The following FMN1 variants were observed in gnomAD, a reference collection of about 807,000 sequenced individuals.
The protein encoded by FMN1 is formin-1.
In FMN1, 110 loss-of-function variants were observed where a neutral mutation model predicts 132.4. That is an observed-to-expected ratio of 0.83 (90% CI 0.71 to 0.97). The LOEUF is 0.97. Ranked by LOEUF, FMN1 falls within the 50% of genes least tolerant of loss-of-function variation. FMN1 has a pLI of 0.00. For missense variants in FMN1, 1,792 were observed against 1,705.3 expected (o/e 1.05, Z -0.90); for synonymous variants, 722 against 651.7 (o/e 1.11, Z -1.64).
At chr15:33,016,488 G>C (rs2035051822) in intron 6 of FMN1, among the ~76,000 whole-genome samples, 1 of 152,212 alleles carries the variant, frequency 6.6e-6, no homozygotes, top group Non-Finnish European at 1.5e-5. Flanking sequence ...TAACTGTGCA[G>C]TTTGAAGAAA....
chr15:33,141,737 A>G (rs1180149953), intron 4 of FMN1, among the ~76,000 whole-genome samples: 1 of 152,154 alleles, frequency 6.6e-6, no homozygotes, highest in African/African-American at 2.4e-5. Flanking sequence ...TAATCTTGGG[A>G]GTACCTCCCC....
intron 12 of FMN1, among the ~76,000 whole-genome samples, chr15:32,904,084 G>C (rs947436437): frequency 2.6e-5 from 4 of 152,152 alleles, no homozygotes. Flanking sequence ...TCTGAGAACA[G>C]AGCTTAATCT....
intron 3 of FMN1, among the ~76,000 whole-genome samples, chr15:33,172,036 C>T (rs1287378135): frequency 1.3e-5 from 2 of 151,896 alleles, no homozygotes; most frequent in African/African-American, 4.8e-5. Context: ...GGTGAAACCC[C>T]GTCTCTACTA....
intron 17 of FMN1, among the ~76,000 whole-genome samples, chr15:32,804,782 T>C (rs1394023396): frequency 6.6e-6 from 1 of 151,860 alleles, no homozygotes; most frequent in Non-Finnish European, 1.5e-5. Flanking sequence ...GTCCTTGTGA[T>C]AGTTTGCTGA....
At chr15:32,807,525 C>T (rs1309153284) in intron 17 of FMN1, among the ~76,000 whole-genome samples, 1 of 152,150 alleles carries the variant, frequency 6.6e-6, no homozygotes, top group Non-Finnish European at 1.5e-5. Context: ...CTCTGAGGCC[C>T]GAGTGATCTT....
chr15:32,997,397 C>A (rs1224544678), intron 7 of FMN1, among the ~76,000 whole-genome samples: 5 of 150,476 alleles, frequency 3.3e-5, no homozygotes, highest in African/African-American at 9.8e-5. Context: ...GTCTTTGACA[C>A]AGGACGAGAG....
intron 6 of FMN1, among the ~76,000 whole-genome samples, chr15:33,025,092 GT>G (rs1361628032): frequency 6.6e-6 from 1 of 152,120 alleles, no homozygotes; most frequent in Non-Finnish European, 1.5e-5. Flanking sequence ...TTTTACCCAA[GT>G]GGCTGGGGTA....
At chr15:32,879,715 G>A (rs2059718168) in intron 16 of FMN1, among the ~76,000 whole-genome samples, 2 of 151,962 alleles carry the variant, frequency 1.3e-5, no homozygotes, top group Admixed American at 6.6e-5. Flanking sequence ...GTGGCAAAGT[G>A]CATGGTTTAT....
Position 32,984,978 on chromosome 15 carries a change from C to CAAAAAAAAAAAAAAAAAAAAAA in FMN1, c.2224-15523_2224-15502dup, listed in dbSNP as rs11330959. 7.0e-4 allele frequency among the ~76,000 whole-genome samples: 68 copies of CAAAAAAAAAAAAAAAAAAAAAA among 97,228 alleles called. 1 individual carries two copies. Among genetic ancestry groups the CAAAAAAAAAAAAAAAAAAAAAA allele is most frequent in the Middle Eastern group, 6.3e-3 (1 of 160 alleles). The allele number at this position is 97,228 out of a possible 152,430, so 63.8% of individuals were successfully genotyped here. On this transcript the variant is annotated intron_variant, in intron 7 of 20. Coordinates refer to ENST00000616417, the MANE Select transcript of FMN1 (RefSeq NM_001277313.2). The stretch of plus-strand genomic sequence containing the variant: ...TTTTCTCTGTTTGTTCATCCATCAC[C>CAAAAAAAAAAAAAAAAAAAAAA]AAAAAAAAAAAAAAAAAAAAAAGAA...
chr15:32,939,514 ATTG>A (rs1245975356), intron 9 of FMN1, among the ~76,000 whole-genome samples: 5 of 152,166 alleles, frequency 3.3e-5, no homozygotes, highest in South Asian at 2.1e-4. Context: ...TTTTAGAATC[ATTG>A]TTAAGTTTCA....
At chr15:32,982,359 T>C (rs532985004) in intron 7 of FMN1, among the ~76,000 whole-genome samples, 2 of 152,304 alleles carry the variant, frequency 1.3e-5, no homozygotes, top group Admixed American at 1.3e-4. Context: ...AGTTTGGCCA[T>C]TTCTTATAAA....
At chr15:33,162,748 G>A (rs1339832699) in intron 3 of FMN1, among the ~76,000 whole-genome samples, 2 of 152,188 alleles carry the variant, frequency 1.3e-5, no homozygotes, top group Admixed American at 1.3e-4. Context: ...AGTAGAAAGA[G>A]AACAGACAGG....
intron 16 of FMN1, among the ~76,000 whole-genome samples, chr15:32,887,644 T>C (rs2059927324): frequency 6.6e-6 from 1 of 152,188 alleles, no homozygotes; most frequent in African/African-American, 2.4e-5. Flanking sequence ...TACATATATA[T>C]TTAAAGCAGC....
intron 10 of FMN1, among the ~76,000 whole-genome samples, chr15:32,916,298 AT>A (rs1231600491): frequency 6.6e-6 from 1 of 152,164 alleles, no homozygotes; most frequent in Non-Finnish European, 1.5e-5. Flanking sequence ...CTCTCCAGCC[AT>A]TTTTCAACCC....
At chr15:33,106,789 C>G (rs1285687143) in intron 4 of FMN1, among the ~76,000 whole-genome samples, 3 of 152,058 alleles carry the variant, frequency 2.0e-5, no homozygotes, top group Non-Finnish European at 4.4e-5. Context: ...CCTCCCCAAT[C>G]CCTTGGCCAA....
rs900706425 is a variant in FMN1 at position 33,003,775 on chromosome 15, A to G, written c.2223+4239T>C. The stretch of plus-strand genomic sequence containing the variant: ...AAAAGAACAAAGCTGGAGGCATCAC[A>G]CTACCTGACTTCAAACTACACTACA... On this transcript the variant is annotated intron_variant, in intron 7 of 20. Coordinates refer to ENST00000616417, the MANE Select transcript of FMN1 (RefSeq NM_001277313.2). Among the ~76,000 whole-genome samples, 10 of 152,248 alleles carry G rather than the reference A, an allele frequency of 6.6e-5. No individual in the cohort carries two copies. In the South Asian group the frequency reaches 1.9e-3, roughly 28 times the overall value.
At chr15:33,087,719 T>C (rs2038749763) in intron 5 of FMN1, among the ~76,000 whole-genome samples, 1 of 152,164 alleles carries the variant, frequency 6.6e-6, no homozygotes, top group African/African-American at 2.4e-5. Context: ...TAGCACAATT[T>C]GCAATTGCAA....
chr15:32,902,384 A>T (rs1193746702), intron 12 of FMN1, among the ~76,000 whole-genome samples: 1 of 152,200 alleles, frequency 6.6e-6, no homozygotes, highest in African/African-American at 2.4e-5. Flanking sequence ...CACACGAGAA[A>T]AATTATGCAA....
intron 2 of FMN1, among the ~76,000 whole-genome samples, chr15:33,183,629 T>C (rs934350352): frequency 6.6e-6 from 1 of 152,190 alleles, no homozygotes; most frequent in African/African-American, 2.4e-5. Context: ...CTGTTTCAAA[T>C]TGGTGGGTTG....
Sources: gnomAD v4.1 joint callset for allele counts (sites outside exome capture counted in the v4.1 genomes callset) on GRCh38, gnomAD v4.1.1 for gene constraint, MANE v1.5 for transcripts, NCBI Gene and HGNC (gene_info 2026-07-23, HGNC 2026-07-21) for gene names.